The following EFCAB13 variants were observed in gnomAD, a reference collection of about 807,000 sequenced individuals.
EFCAB13 encodes the protein EF-hand calcium binding domain 13, also known as EF-hand calcium-binding domain-containing protein 13.
In EFCAB13, 91 loss-of-function variants were observed where a neutral mutation model predicts 110.2. The observed-to-expected ratio is 0.83, with a 90% CI of 0.70 to 0.98. The LOEUF is 0.98. Ranked by LOEUF, EFCAB13 falls within the 50% of genes least tolerant of loss-of-function variation. The pLI is 0.00. For missense variants in EFCAB13, 968 were observed against 1,119.4 expected, an observed-to-expected ratio of 0.86 and a Z score of 1.93; for synonymous variants, 323 against 369.9, an observed-to-expected ratio of 0.87 and a Z score of 1.45.
At chr17:47,327,026 C>T (rs76421815) in intron 3 of EFCAB13, among the ~76,000 whole-genome samples, 1,961 of 152,234 alleles carry the variant, frequency 0.013, 37 homozygotes, top group East Asian at 0.066. Context: ...TGATAAATAG[C>T]TCATAAAATG....
chr17:47,382,323 C>T (rs1407844376), intron 14 of EFCAB13, among the ~76,000 whole-genome samples: 1 of 152,184 alleles, frequency 6.6e-6, no homozygotes, highest in Admixed American at 6.5e-5. Flanking sequence ...TGGACTTCCT[C>T]TCTTCCTATG....
At chr17:47,357,181 C>T (rs2065485691) in intron 9 of EFCAB13, among the ~76,000 whole-genome samples, 2 of 152,154 alleles carry the variant, frequency 1.3e-5, no homozygotes, top group Admixed American at 1.3e-4. Flanking sequence ...AGCAAGCCGA[C>T]TCACAGTTAC....
Position 47,335,081 on chromosome 17 carries a change from G to A in EFCAB13, c.31-115G>A, listed in dbSNP as rs1334476267. The A allele has an allele frequency of 1.1e-5, 13 of 1,170,090 alleles. No homozygotes were observed. The highest frequency in any genetic ancestry group is 4.7e-5 in the African/African-American group (3 of 64,088). 72.5% of individuals were successfully genotyped at this position (1,170,090 alleles called of 1,614,324 possible). ...AACCTTTTTCAACAAAATTCTCTTC[G>A]GTAGCACTATTTGAGAAAGAATATC... is the stretch of plus-strand genomic sequence containing the variant. On this transcript the variant is annotated intron_variant, in intron 4 of 24. Transcript: ENST00000331493.
intron 17 of EFCAB13, 78 bp from the exon 18 acceptor site, chr17:47,402,054 T>A: frequency 9.0e-7 from 1 of 1,115,080 alleles, no homozygotes; most frequent in Admixed American, 1.7e-5. Flanking sequence ...TCAAATGGTT[T>A]ACATTTTTAT....
rs1177111608 is a variant in EFCAB13, at chr17:47,325,922, A to AT, written c.-247-304_-247-303insT. Among the ~76,000 whole-genome samples the AT allele has an allele frequency of 8.5e-3, 498 of 58,294 alleles. 5 individuals carry two copies. Among genetic ancestry groups the AT allele is most frequent in the African/African-American group, 0.029 (442 of 15,488 alleles). 38.2% of individuals were successfully genotyped at this position (58,294 alleles called of 152,430 possible). On this transcript the variant is annotated intron_variant, in intron 2 of 24. Transcript: ENST00000331493. ...GGCAGATTTTATATATATATAAACA[A>AT]AATATATATATATATATATATATAT...
chr17:47,354,289 T>C (rs912711307), intron 9 of EFCAB13, among the ~76,000 whole-genome samples: 8 of 152,100 alleles, frequency 5.3e-5, no homozygotes, highest in Admixed American at 5.2e-4. Flanking sequence ...TTTTGTGGCC[T>C]ACCATATGGT....
At chr17:47,419,303 G>A (rs1041954237) in intron 23 of EFCAB13, among the ~76,000 whole-genome samples, 4 of 152,160 alleles carry the variant, frequency 2.6e-5, no homozygotes, top group African/African-American at 9.7e-5. Context: ...AAAAAATACT[G>A]ATGGCTGGGT....
At chr17:47,329,616 G>A (rs1360258223) in intron 4 of EFCAB13, among the ~76,000 whole-genome samples, 3 of 151,964 alleles carry the variant, frequency 2.0e-5, no homozygotes, top group African/African-American at 7.3e-5. Context: ...GTATCATACC[G>A]GTTTGTTTTC....
At chr17:47,404,093 A>T (rs954297727) in intron 19 of EFCAB13, 72 bp downstream of exon 19, 15 of 1,182,974 alleles carry the variant, frequency 1.3e-5, no homozygotes, top group Admixed American at 2.5e-5. Flanking sequence ...GTCTATAGGT[A>T]TTTGCTTATG....
Position 47,342,014 on chromosome 17 carries a change from G to T in EFCAB13, c.285G>T (p.Gln95His). ...KVGRKSLQVQ[Q>H]HSKRTEIIPP... is the part of the protein sequence containing the mutation. The stretch of plus-strand genomic sequence containing the variant: ...GGAGAAAGAGTTTACAAGTACAACA[G>T]CACAGTAAAAGAACTGAGGTAAATA... The change falls in exon 6 of 25, where the codon CAG becomes CAT. Residue 95 changes from glutamine to histidine, a missense_variant. Physicochemically the swap from Gln to His is conservative, Grantham distance 24. Transcript: ENST00000331493. 1 of 1,583,834 alleles carries T rather than the reference G, an allele frequency of 6.3e-7. No homozygotes were observed. The highest frequency in any genetic ancestry group is 8.6e-7 in the Non-Finnish European group (1 of 1,165,610).
In EFCAB13 at chr17:47,370,509, G is replaced by A. The variant is rs543468103; in HGVS notation, c.877+1G>A. ...CTACAGGAACAGTATGAGGATGTTT[G>A]TAAGTGAGCTCTTGTTGCTATGACA... On this transcript the variant is annotated splice_donor_variant, in intron 11 of 24. Coordinates refer to ENST00000331493, the MANE Select transcript of EFCAB13 (RefSeq NM_152347.5). LOFTEE classifies it high-confidence loss of function. The A allele has an allele frequency of 1.3e-6, 2 of 1,592,760 alleles. No homozygotes were observed. The highest frequency in any genetic ancestry group is 1.7e-6 in the Non-Finnish European group (2 of 1,163,328).
chr17:47,368,682 G>A (rs1167298190), intron 10 of EFCAB13, among the ~76,000 whole-genome samples: 1 of 152,144 alleles, frequency 6.6e-6, no homozygotes, highest in East Asian at 1.9e-4. Context: ...ATACCCAACA[G>A]CACTTAATTA....
At chr17:47,362,767 T>C (rs991248991) in intron 10 of EFCAB13, among the ~76,000 whole-genome samples, 3 of 152,188 alleles carry the variant, frequency 2.0e-5, no homozygotes, top group African/African-American at 7.2e-5. Flanking sequence ...TGTCTGTCTG[T>C]CTCTCTCTGC....
At chr17:47,418,287 C>T (rs1904519803) in intron 23 of EFCAB13, among the ~76,000 whole-genome samples, 1 of 152,214 alleles carries the variant, frequency 6.6e-6, no homozygotes, top group African/African-American at 2.4e-5. Context: ...GCTTGCTTCT[C>T]TTCCCTACTA....
At chr17:47,381,631 T>A (rs2065647666) in intron 14 of EFCAB13, among the ~76,000 whole-genome samples, 1 of 152,232 alleles carries the variant, frequency 6.6e-6, no homozygotes, top group Admixed American at 6.5e-5. Context: ...ATTGCTTGTT[T>A]CTGTCAGGTT....
chr17:47,377,113 T>C (rs1050531005), intron 12 of EFCAB13, among the ~76,000 whole-genome samples: 1 of 152,168 alleles, frequency 6.6e-6, no homozygotes, highest in Non-Finnish European at 1.5e-5. Context: ...TTGGAATTCT[T>C]CAATTTAAAC....
At position 47,374,912 on chromosome 17, in the gene EFCAB13, T is replaced by C. The variant is rs1359086174; in HGVS notation, c.1318T>C (p.Ser440Pro). 1.4e-5 allele frequency: 23 copies of C among 1,600,500 alleles called. No individual in the cohort carries two copies. The highest frequency in any genetic ancestry group is 2.0e-5 in the Non-Finnish European group (23 of 1,176,516). Residue 440 changes from serine (S) to proline (P), a missense_variant, in exon 12 of 25, where the codon TCC becomes CCC. Ser to Pro is a moderately conservative substitution (Grantham distance 74). Coordinates refer to ENST00000331493, the MANE Select transcript of EFCAB13 (RefSeq NM_152347.5). ...KLQKPAVRKH[S>P]SLQKQVSSTE... is the part of the protein sequence containing the mutation. The stretch of plus-strand genomic sequence containing the variant: ...TCAGAAGCCAGCTGTAAGAAAGCAT[T>C]CCAGTCTCCAAAAACAGGTTTCGTC...
intron 17 of EFCAB13, among the ~76,000 whole-genome samples, chr17:47,398,975 G>T (rs747256540): frequency 6.6e-6 from 1 of 152,202 alleles, no homozygotes; most frequent in Non-Finnish European, 1.5e-5. Flanking sequence ...CCAGGCTGGA[G>T]TGCAGTGGCG....
intron 23 of EFCAB13, among the ~76,000 whole-genome samples, chr17:47,428,725 A>C (rs1169198034): frequency 1.3e-5 from 2 of 152,152 alleles, no homozygotes; most frequent in East Asian, 3.8e-4. Flanking sequence ...GCATTCACAA[A>C]ATATGTATCA....
Sources: gnomAD v4.1 joint callset for allele counts (sites outside exome capture counted in the v4.1 genomes callset) on GRCh38, gnomAD v4.1.1 for gene constraint, MANE v1.5 for transcripts, NCBI Gene and HGNC (gene_info 2026-07-23, HGNC 2026-07-21) for gene names.